Variants in DLGAP2 observed in about 807,000 individuals in gnomAD.
The protein encoded by DLGAP2 is disks large-associated protein 2.
Under a neutral mutation model 100.3 loss-of-function variants are expected in DLGAP2, and 26 were observed. The observed-to-expected ratio is 0.26, with a 90% CI of 0.19 to 0.36. The LOEUF is 0.36. Ranked by LOEUF, DLGAP2 falls within the 10% of genes least tolerant of loss-of-function variation. The pLI is 1.00. For missense variants in DLGAP2, 1,858 were observed against 1,453.2 expected (o/e 1.28, Z -4.53); for synonymous variants, 886 against 630.1 (o/e 1.41, Z -6.08).
At chr8:1,062,889 C>T (rs965463532) in intron 2 of DLGAP2, among the ~76,000 whole-genome samples, 13 of 152,180 alleles carry the variant, frequency 8.5e-5, no homozygotes, top group Non-Finnish European at 1.5e-4. Context: ...CCAATAATCA[C>T]CGAGTACTGG....
chr8:1,610,172 A>C (rs1796949141), intron 6 of DLGAP2, among the ~76,000 whole-genome samples: 2 of 152,154 alleles, frequency 1.3e-5, no homozygotes, highest in East Asian at 1.9e-4. Flanking sequence ...AAAGAACAGA[A>C]ATTATAACAA....
intron 1 of DLGAP2, among the ~76,000 whole-genome samples, chr8:892,849 A>G (rs1419008852): frequency 6.6e-6 from 1 of 152,144 alleles, no homozygotes; most frequent in African/African-American, 2.4e-5. Flanking sequence ...TCCTACAGAA[A>G]TGTTAGATGA....
rs1798114958 is a variant in DLGAP2, at chr8:1,211,971, C to G, written c.74-46880C>G. On this transcript the variant is annotated intron_variant, in intron 2 of 14. Coordinates refer to ENST00000637795, the MANE Select transcript of DLGAP2 (RefSeq NM_001346810.2). ...AGGCCACCATTGTCAGGATGCAGGTCTGACTGGCGCTGTGGAAACACAAGG... is the reference window on the plus strand; with the variant it reads ...AGGCCACCATTGTCAGGATGCAGGTGTGACTGGCGCTGTGGAAACACAAGG... Among the ~76,000 whole-genome samples, 3 of 152,378 alleles carry G rather than the reference C, an allele frequency of 2.0e-5. No homozygotes were observed. The South Asian group carries it at 6.2e-4, about 32-fold the overall frequency.
intron 3 of DLGAP2, among the ~76,000 whole-genome samples, chr8:1,430,938 CTG>C (rs1260933329): frequency 6.6e-6 from 1 of 152,162 alleles, no homozygotes; most frequent in African/African-American, 2.4e-5. Context: ...TTGACTGTCT[CTG>C]GGGTTCTGGG....
intron 3 of DLGAP2, among the ~76,000 whole-genome samples, chr8:1,322,416 T>C (rs971453389): frequency 1.3e-5 from 2 of 152,228 alleles, no homozygotes; most frequent in Non-Finnish European, 2.9e-5. Context: ...CCCGGCGTGC[T>C]GGATCCTGCT....
intron 6 of DLGAP2, among the ~76,000 whole-genome samples, chr8:1,617,736 A>G (rs980405273): frequency 3.3e-5 from 5 of 152,168 alleles, no homozygotes; most frequent in Non-Finnish European, 5.9e-5. Context: ...ATTATCTACC[A>G]TAATGGACAG....
intron 3 of DLGAP2, among the ~76,000 whole-genome samples, chr8:1,495,034 T>C (rs1469086501): frequency 1.3e-5 from 2 of 152,154 alleles, no homozygotes; most frequent in Non-Finnish European, 2.9e-5. Flanking sequence ...CCATTTTTCT[T>C]CATCAATTCT....
At chr8:1,110,341 CAT>C (rs10532083) in intron 2 of DLGAP2, among the ~76,000 whole-genome samples, 36,016 of 137,872 alleles carry the variant, frequency 0.26, 5,606 homozygotes, top group Admixed American at 0.33. Context: ...GGGTCTGTGA[CAT>C]GTGCTGGGTC....
At chr8:1,569,805 G>A (rs1458327489) in intron 6 of DLGAP2, among the ~76,000 whole-genome samples, 1 of 152,138 alleles carries the variant, frequency 6.6e-6, no homozygotes, top group Non-Finnish European at 1.5e-5. Flanking sequence ...CTCTGTGGAG[G>A]GCAGGGTAGA....
intron 4 of DLGAP2, among the ~76,000 whole-genome samples, chr8:1,504,929 T>C (rs1024607119): frequency 6.6e-6 from 1 of 152,104 alleles, no homozygotes; most frequent in Non-Finnish European, 1.5e-5. Context: ...ATCATTCTAA[T>C]GTACCCCTAG....
intron 2 of DLGAP2, among the ~76,000 whole-genome samples, chr8:930,559 C>G (rs538921134): frequency 6.6e-6 from 1 of 152,334 alleles, no homozygotes; most frequent in Admixed American, 6.5e-5. Context: ...CAGAGATATT[C>G]TAGTTAGTGG....
intron 3 of DLGAP2, among the ~76,000 whole-genome samples, chr8:1,270,121 A>G (rs1585210398): frequency 6.6e-6 from 1 of 152,090 alleles, no homozygotes; most frequent in East Asian, 1.9e-4. Flanking sequence ...CCTGCTGGCC[A>G]TGGGTTGCTT....
chr8:1,682,722 C>G (rs1200748619), intron 12 of DLGAP2, among the ~76,000 whole-genome samples: 3 of 151,482 alleles, frequency 2.0e-5, no homozygotes, highest in Admixed American at 6.6e-5. Flanking sequence ...GATCTGCCCC[C>G]CTTGCCCTTG....
At chr8:1,672,462 A>G (rs1318498995) in intron 10 of DLGAP2, among the ~76,000 whole-genome samples, 2 of 152,184 alleles carry the variant, frequency 1.3e-5, no homozygotes, top group African/African-American at 4.8e-5. Context: ...TCCTGACCTC[A>G]GGTGATCCAC....
chr8:1,172,280 T>C (rs545788670), intron 2 of DLGAP2, among the ~76,000 whole-genome samples: 1 of 152,214 alleles, frequency 6.6e-6, no homozygotes, highest in Non-Finnish European at 1.5e-5. Flanking sequence ...CTTCCCTTTG[T>C]GGGTAACCCG....
intron 3 of DLGAP2, among the ~76,000 whole-genome samples, chr8:1,307,291 A>C (rs1181344645): frequency 6.6e-6 from 1 of 152,236 alleles, no homozygotes. Flanking sequence ...TATTAAGGGA[A>C]TACAAAGCTA....
intron 2 of DLGAP2, among the ~76,000 whole-genome samples, chr8:1,076,496 G>T (rs763034528): frequency 6.6e-6 from 1 of 152,250 alleles, no homozygotes. Flanking sequence ...GCCGCTCATG[G>T]CCCACACCTG....
intron 2 of DLGAP2, among the ~76,000 whole-genome samples, chr8:964,277 G>C (rs1799793770): frequency 6.6e-6 from 1 of 152,178 alleles, no homozygotes. Flanking sequence ...AACCAGTAAT[G>C]AAAAAGTGCT....
rs183911679 is a variant in DLGAP2, at chr8:1,647,950, G to A, written c.1810+14904G>A. On this transcript the variant is annotated intron_variant, in intron 8 of 14. Transcript: ENST00000637795. ...CCCTAGGATCCCTTTATAAAGGCAC[G>A]AATCCCTCATCCTGCCCCCAGACAA... 1.4e-3 allele frequency among the ~76,000 whole-genome samples: 208 copies of A among 152,224 alleles called. 4 individuals carry two copies. Among genetic ancestry groups the A allele is most frequent in the Admixed American group, 0.012 (182 of 15,284 alleles).
Sources: allele counts gnomAD v4.1 joint callset (sites outside exome capture counted in the v4.1 genomes callset), GRCh38; gene constraint gnomAD v4.1.1; transcripts MANE v1.5; gene names NCBI Gene and HGNC (gene_info 2026-07-23, HGNC 2026-07-21).